The following LRP11 variants were observed in gnomAD, a reference collection of about 807,000 sequenced individuals.
LRP11 encodes the protein LDL receptor related protein 11.
LRP11 carries 25 observed loss-of-function variants against 43.1 expected under a neutral mutation model. The observed-to-expected ratio is 0.58, with a 90% CI of 0.42 to 0.81. LRP11 has a LOEUF of 0.81. Among genes scored for constraint, LRP11 ranks in the 30% least tolerant of loss-of-function variants. The pLI, the probability that LRP11 is intolerant of heterozygous loss-of-function variation, is 0.00. For missense variants in LRP11, 623 were observed against 665.1 expected, an observed-to-expected ratio of 0.94 and a Z score of 0.70; for synonymous variants, 316 against 299.4, an observed-to-expected ratio of 1.06 and a Z score of -0.57.
chr6:149,864,004 TG>T lies in LRP11; in HGVS notation c.16del (p.Gln6ArgfsTer224). The T allele has an allele frequency of 7.4e-7, 1 of 1,355,708 alleles. No homozygotes were observed. The allele number at this position is 1,355,708 out of a possible 1,614,324, so 84.0% of individuals were successfully genotyped here. MASVAQESAGSQRRLP... is the reference protein window; with the variant it reads MASVAXESAGSQRRLP... ...CCGGCGCTGCGAGCCCGCGCTCTCC[TG>T]GGCGACGGAGGCCATGGCGACGAGA... On this transcript the variant is annotated frameshift_variant, in exon 1 of 7. Transcript: ENST00000239367. LOFTEE classifies it high-confidence loss of function.
chr6:149,839,238 G>C (rs1776514086), intron 3 of LRP11, among the ~76,000 whole-genome samples: 1 of 152,018 alleles, frequency 6.6e-6, no homozygotes, highest in African/African-American at 2.4e-5. Context: ...CAAGAGGTTG[G>C]AAAAGGAGTC....
At chr6:149,863,295 G>T in intron 1 of LRP11, 113 bp downstream of exon 1, 1 of 1,268,676 alleles carries the variant, frequency 7.9e-7, no homozygotes. Flanking sequence ...AAACTCTTCT[G>T]GGTGCCCGCG....
At chr6:149,861,696 C>T (rs10080756) in intron 1 of LRP11, among the ~76,000 whole-genome samples, 2,704 of 151,286 alleles carry the variant, frequency 0.018, 91 homozygotes, top group African/African-American at 0.063. Context: ...GTGTTTATTT[C>T]TTTTTAGCAA....
Position 149,863,838 on chromosome 6 carries a change from C to G in LRP11, c.183G>C (p.Glu61Asp). The G allele has an allele frequency of 6.6e-7, 1 of 1,511,396 alleles. No individual in the cohort carries two copies. Among genetic ancestry groups the G allele is most frequent in the Non-Finnish European group, 8.8e-7 (1 of 1,138,448 alleles). The allele number at this position is 1,511,396 out of a possible 1,614,324, so 93.6% of individuals were successfully genotyped here. ...GCTCCTGCTGCAGTTGCCGGCGGAA[C>G]TCCTCCAGCAGCTGCTCCACGCCCG... ...QLSGVEQLLE[E>D]FRRQLQQERP... Residue 61 changes from glutamate to aspartate, a missense_variant, in exon 1 of 7, where the codon GAG (glutamate) becomes GAC (aspartate). Coordinates refer to ENST00000239367, the MANE Select transcript of LRP11 (RefSeq NM_032832.6).
At position 149,859,377 on chromosome 6, in the gene LRP11, C is replaced by CATATATATATATAT. The variant is rs201050390; in HGVS notation, c.613+4017_613+4030dup. Among the ~76,000 whole-genome samples the CATATATATATATAT allele has an allele frequency of 1.2e-4, 6 of 51,598 alleles. 1 individual carries two copies. Among genetic ancestry groups the CATATATATATATAT allele is most frequent in the East Asian group, 3.2e-3 (2 of 622 alleles). The allele number at this position is 51,598 out of a possible 152,430, so 33.9% of individuals were successfully genotyped here. A position where few individuals can be genotyped will look rare whatever the true frequency, so the allele number is the denominator to read the frequency against. On this transcript the variant is annotated intron_variant, in intron 1 of 6. Transcript: ENST00000239367. ...TTTATTTTTATTTTTCTTGCTGACT[C>CATATATATATATAT]ATATATATATATATATATATTTTTT...
chr6:149,856,260 A>C (rs1374214257), intron 1 of LRP11, among the ~76,000 whole-genome samples: 2 of 152,332 alleles, frequency 1.3e-5, no homozygotes, highest in South Asian at 4.1e-4. Context: ...TATACAATTA[A>C]TTAATCCTAC....
intron 5 of LRP11, among the ~76,000 whole-genome samples, chr6:149,830,930 C>T (rs1776400873): frequency 6.6e-6 from 1 of 152,182 alleles, no homozygotes; most frequent in Admixed American, 6.5e-5. Flanking sequence ...GAAGGAATTC[C>T]CTATGATTTC....
intron 3 of LRP11, chr6:149,842,570 C>T (rs1583085552): frequency 7.1e-7 from 1 of 1,407,236 alleles, no homozygotes. Context: ...GTCCCCCGCA[C>T]AGCCTCCAGT....
chr6:149,862,385 C>A (rs1269353571), intron 1 of LRP11, among the ~76,000 whole-genome samples: 1 of 152,138 alleles, frequency 6.6e-6, no homozygotes, highest in Non-Finnish European at 1.5e-5. Context: ...ACACACGGAG[C>A]CTGACCACAC....
intron 1 of LRP11, among the ~76,000 whole-genome samples, chr6:149,855,716 A>ATT (rs1776788977): frequency 2.0e-5 from 3 of 148,552 alleles, no homozygotes; most frequent in African/African-American, 7.8e-5. Flanking sequence ...TTTTTTTAAA[A>ATT]AAAAAACACA....
Position 149,843,000 on chromosome 6 carries a change from G to A in LRP11, c.896C>T (p.Ala299Val). 3 of 1,614,220 alleles carry A rather than the reference G, an allele frequency of 1.9e-6. No individual in the cohort carries two copies. The highest frequency in any genetic ancestry group is 1.3e-5 in the African/African-American group (1 of 75,064). The change falls in exon 3 of 7, where the codon GCA becomes GTA. Residue 299 changes from alanine to valine, a missense_variant. By Grantham distance (64) the Ala-to-Val change is moderately conservative (BLOSUM62 0). Coordinates refer to ENST00000239367, the MANE Select transcript of LRP11 (RefSeq NM_032832.6). Reference protein sequence around the residue: ...SDNVSVTVLRAAYSTGGCLHT... With the variant: ...SDNVSVTVLRVAYSTGGCLHT... ...CTTCTCACCTCCTGTGGAGTAGGCT[G>A]CGCGAAGCACTGTCACTGACACGTT... is the stretch of plus-strand genomic sequence containing the variant.
At chr6:149,831,627 G>C (rs1776409488) in intron 5 of LRP11, among the ~76,000 whole-genome samples, 1 of 152,234 alleles carries the variant, frequency 6.6e-6, no homozygotes. Flanking sequence ...TCAGTAACCT[G>C]TGTGGAATAA....
intron 2 of LRP11, among the ~76,000 whole-genome samples, chr6:149,847,299 A>G (rs1251955006): frequency 6.6e-6 from 1 of 152,192 alleles, no homozygotes; most frequent in Non-Finnish European, 1.5e-5. Context: ...TGCCTCTCTG[A>G]TACAGGCAAC....
chr6:149,859,406 T>A (rs1400436184), intron 1 of LRP11, among the ~76,000 whole-genome samples: 5 of 77,982 alleles, frequency 6.4e-5, no homozygotes, highest in Non-Finnish European at 1.0e-4. Context: ...ATTTTTTTTT[T>A]TTTTTTTTTG....
rs1776748773 is a variant in LRP11 at position 149,853,162 on chromosome 6, T to C, written c.614-2A>G. ...TGCTAAGTGGAGGCGCATCCTTTTC[T>C]GAGAAAGAAAATAAATAATTCATAA... is the stretch of plus-strand genomic sequence containing the variant. On this transcript the variant is annotated splice_acceptor_variant, in intron 1 of 6. Coordinates refer to ENST00000239367, the MANE Select transcript of LRP11 (RefSeq NM_032832.6). LOFTEE classifies it high-confidence loss of function. 1 of 1,556,602 alleles carries C rather than the reference T, an allele frequency of 6.4e-7. No individual in the cohort carries two copies. Among genetic ancestry groups the C allele is most frequent in the African/African-American group, 1.4e-5 (1 of 71,770 alleles).
intron 2 of LRP11, among the ~76,000 whole-genome samples, chr6:149,844,122 G>A (rs1016349333): frequency 8.6e-5 from 13 of 151,908 alleles, no homozygotes; most frequent in Admixed American, 3.3e-4. Flanking sequence ...GCATGGTGGC[G>A]TGCGCCTGTA....
chr6:149,829,331 C>T (rs1278165540), intron 5 of LRP11, among the ~76,000 whole-genome samples: 4 of 152,166 alleles, frequency 2.6e-5, no homozygotes, highest in African/African-American at 7.2e-5. Context: ...GAGGCCAAGG[C>T]AGGTGGATCA....
intron 4 of LRP11, among the ~76,000 whole-genome samples, chr6:149,836,797 AGAGT>A (rs1224442228): frequency 6.6e-6 from 1 of 151,534 alleles, no homozygotes; most frequent in Non-Finnish European, 1.5e-5. Flanking sequence ...CCTGGGTGAC[AGAGT>A]GAGAACTGGT....
chr6:149,862,191 T>A (rs771929868), intron 1 of LRP11, among the ~76,000 whole-genome samples: 8 of 152,182 alleles, frequency 5.3e-5, no homozygotes, highest in Non-Finnish European at 1.2e-4. Context: ...TGACAAGGAT[T>A]CTGAGCCTCA....
Sources: gnomAD v4.1 joint callset for allele counts (sites outside exome capture counted in the v4.1 genomes callset) on GRCh38, gnomAD v4.1.1 for gene constraint, MANE v1.5 for transcripts, NCBI Gene and HGNC (gene_info 2026-07-23, HGNC 2026-07-21) for gene names.